Variants in MYO1E observed in about 807,000 individuals in gnomAD.
The protein encoded by MYO1E is myosin IE, also known as unconventional myosin-Ie.
Under a neutral mutation model 151.1 loss-of-function variants are expected in MYO1E, and 68 were observed. The observed-to-expected ratio is 0.45, with a 90% CI of 0.37 to 0.55. The LOEUF is 0.55. Among genes scored for constraint, MYO1E ranks in the 20% least tolerant of loss-of-function variants. MYO1E has a pLI of 0.00. For missense variants in MYO1E, 1,363 were observed against 1,389.3 expected (o/e 0.98, Z 0.30); for synonymous variants, 601 against 501.7 (o/e 1.20, Z -2.64).
chr15:59,239,238 TTAA>T (rs1566989182), intron 4 of MYO1E, among the ~76,000 whole-genome samples: 2 of 148,130 alleles, frequency 1.4e-5, no homozygotes, highest in African/African-American at 2.5e-5. Context: ...TTTTTATTTT[TTAA>T]AATTTGTGTA....
Position 59,162,099 on chromosome 15 carries a change from C to T in MYO1E, c.2628-869G>A, listed in dbSNP as rs1214026482. ...TTGCCCAGGCTGGCGTGCAGTGGTG[C>T]GGTCTCAGCTCACTGCAACCTCTGC... On this transcript the variant is annotated intron_variant, in intron 23 of 27. Coordinates refer to ENST00000288235, the MANE Select transcript of MYO1E (RefSeq NM_004998.4). Among the ~76,000 whole-genome samples the T allele has an allele frequency of 3.9e-5, 6 of 152,128 alleles. No individual in the cohort carries two copies. The South Asian group carries it at 8.3e-4, about 21-fold the overall frequency.
chr15:59,188,889 G>A lies in MYO1E; in HGVS notation c.1806-673C>T, dbSNP rs916453485. On this transcript the variant is annotated intron_variant, in intron 17 of 27. Coordinates refer to ENST00000288235, the MANE Select transcript of MYO1E (RefSeq NM_004998.4). ...TTTTGAATTAAATGATGCTAATGCT[G>A]GTTTTGTTATTGAACTTAAATTTTA... Among the ~76,000 whole-genome samples, 8 of 152,010 alleles carry A rather than the reference G, an allele frequency of 5.3e-5. No individual in the cohort carries two copies. The South Asian group carries it at 1.5e-3, about 28-fold the overall frequency.
At chr15:59,218,405 A>G (rs2079933275) in intron 9 of MYO1E, 3 of 461,752 alleles carry the variant, frequency 6.5e-6, no homozygotes, top group South Asian at 1.9e-5. Flanking sequence ...AAATGCCTAA[A>G]ATGGACATCT....
intron 1 of MYO1E, among the ~76,000 whole-genome samples, chr15:59,326,599 C>T (rs192903494): frequency 1.5e-4 from 23 of 152,262 alleles, no homozygotes; most frequent in Admixed American, 4.6e-4. Flanking sequence ...AATGTCGTAT[C>T]GACACGTGAT....
chr15:59,293,759 T>A (rs1241905272), intron 1 of MYO1E, among the ~76,000 whole-genome samples: 1 of 152,120 alleles, frequency 6.6e-6, no homozygotes, highest in Non-Finnish European at 1.5e-5. Flanking sequence ...CCCTGATATA[T>A]GGGCCAGCTG....
intron 18 of MYO1E, 122 bp from the exon 19 acceptor site, chr15:59,178,659 T>G: frequency 2.3e-6 from 3 of 1,311,290 alleles, no homozygotes; most frequent in Non-Finnish European, 3.1e-6. Flanking sequence ...ACTGATCATC[T>G]GTTTACCAGC....
chr15:59,168,767 C>T (rs1243336565), intron 22 of MYO1E, among the ~76,000 whole-genome samples: 7 of 152,028 alleles, frequency 4.6e-5, no homozygotes, highest in African/African-American at 1.2e-4. Context: ...ACCACGGGCA[C>T]GTACCACCAC....
chr15:59,245,522 T>C (rs900400309), intron 4 of MYO1E, among the ~76,000 whole-genome samples: 1 of 152,188 alleles, frequency 6.6e-6, no homozygotes, highest in Non-Finnish European at 1.5e-5. Context: ...TTAGCTTCTA[T>C]GCAGGATGCA....
intron 1 of MYO1E, among the ~76,000 whole-genome samples, chr15:59,328,083 G>T (rs1434864452): frequency 3.9e-5 from 6 of 152,180 alleles, no homozygotes; most frequent in Non-Finnish European, 7.3e-5. Context: ...GCTCCATGGT[G>T]GGGGGGTTCC....
intron 4 of MYO1E, among the ~76,000 whole-genome samples, chr15:59,241,723 A>C (rs767092745): frequency 1.1e-3 from 169 of 151,734 alleles, no homozygotes; most frequent in Non-Finnish European, 1.8e-3. Flanking sequence ...TAGATAAATA[A>C]ATAAAAATAA....
chr15:59,140,092 G>A (rs2079400646), intron 26 of MYO1E, among the ~76,000 whole-genome samples: 1 of 151,974 alleles, frequency 6.6e-6, no homozygotes, highest in Non-Finnish European at 1.5e-5. Flanking sequence ...GTGTGTATGG[G>A]GGTGGGTGCG....
intron 1 of MYO1E, among the ~76,000 whole-genome samples, chr15:59,310,603 G>A (rs8032833): frequency 0.59 from 89,469 of 151,926 alleles, 27,909 homozygotes; most frequent in Non-Finnish European, 0.7. Flanking sequence ...CGGAAGGAGC[G>A]TGGTCCTGAT....
chr15:59,252,981 T>C (rs2080173977), intron 4 of MYO1E, among the ~76,000 whole-genome samples: 1 of 152,070 alleles, frequency 6.6e-6, no homozygotes, highest in African/African-American at 2.4e-5. Flanking sequence ...AGCTAGAAGA[T>C]CTTAAAGAAG....
intron 18 of MYO1E, 134 bp from the exon 19 acceptor site, chr15:59,178,671 T>A: frequency 4.9e-6 from 6 of 1,230,714 alleles, no homozygotes; most frequent in Admixed American, 2.5e-5. Flanking sequence ...TTTACCAGCG[T>A]TCGAAGGCTC....
intron 23 of MYO1E, among the ~76,000 whole-genome samples, 182 bp from the exon 24 acceptor site, chr15:59,161,412 T>A (rs2079537738): frequency 6.6e-6 from 1 of 152,104 alleles, no homozygotes; most frequent in African/African-American, 2.4e-5. Context: ...TGTCGCTGCA[T>A]GACAATGAGC....
rs1443536809 is a variant in MYO1E, at chr15:59,350,141, A to T, written c.3+22357T>A. ...AGAGAATGGAAGCTATTCTTACTTC[A>T]TTTTTTAACAAATGAAACTGAAGTA... On this transcript the variant is annotated intron_variant, in intron 1 of 27. Transcript: ENST00000288235. This position sits in a 1 kb window ranked among gnomAD's most constrained non-coding sequence, Gnocchi z 5.0. 6.6e-6 allele frequency among the ~76,000 whole-genome samples: 1 copy of T among 152,222 alleles called. No individual in the cohort carries two copies. The highest frequency in any genetic ancestry group is 1.9e-4 in the East Asian group (1 of 5,202).
Position 59,136,591 on chromosome 15 carries a change from T to C in MYO1E, c.*789A>G. On this transcript the variant is annotated 3_prime_UTR_variant, in exon 28 of 28. Transcript: ENST00000288235. ...ACTACTTAGTACATTCATACATGTT[T>C]CTACCATCTCAAGATTTTTATATAT... is the stretch of plus-strand genomic sequence containing the variant. The C allele has an allele frequency of 2.5e-6, 1 of 407,754 alleles. No individual in the cohort carries two copies. Among genetic ancestry groups the C allele is most frequent in the Non-Finnish European group, 5.0e-6 (1 of 201,414 alleles). The allele number at this position is 407,754 out of a possible 1,614,324, so 25.3% of individuals were successfully genotyped here.
chr15:59,364,258 G>A lies in MYO1E; in HGVS notation c.3+8240C>T, dbSNP rs1249323043. Among the ~76,000 whole-genome samples the A allele has an allele frequency of 2.0e-5, 3 of 152,344 alleles. No individual in the cohort carries two copies. In the East Asian group the frequency reaches 5.8e-4, roughly 29 times the overall value. ...GTCACATATTTGAGTGTCAACGCCA[G>A]AATCCAGGGGGAGCACCAATGGTAG... On this transcript the variant is annotated intron_variant, in intron 1 of 27. Coordinates refer to ENST00000288235, the MANE Select transcript of MYO1E (RefSeq NM_004998.4).
chr15:59,242,154 T>A (rs115536865), intron 4 of MYO1E, among the ~76,000 whole-genome samples: 6 of 152,182 alleles, frequency 3.9e-5, no homozygotes, highest in African/African-American at 1.4e-4. Flanking sequence ...ACCGACAAAC[T>A]TGCCTTTACC....
Sources: allele counts gnomAD v4.1 joint callset (sites outside exome capture counted in the v4.1 genomes callset), GRCh38; gene constraint gnomAD v4.1.1; non-coding constraint Gnocchi (gnomAD v3.1); transcripts MANE v1.5; gene names NCBI Gene and HGNC (gene_info 2026-07-23, HGNC 2026-07-21).